Variants in NAA10 observed in about 807,000 individuals in gnomAD.
NAA10 encodes the protein N-alpha-acetyltransferase 10, NatA catalytic subunit, also known as N-alpha-acetyltransferase 10.
In NAA10, 6 loss-of-function variants were observed where a neutral mutation model predicts 19.2. The observed-to-expected ratio is 0.31, with a 90% CI of 0.17 to 0.62. NAA10 has a LOEUF of 0.62. Among genes scored for constraint, NAA10 ranks in the 20% least tolerant of loss-of-function variants. The pLI, the probability that NAA10 is intolerant of heterozygous loss-of-function variation, is 0.83. For missense variants in NAA10, 101 were observed against 198.4 expected (o/e 0.51, Z 2.95); for synonymous variants, 97 against 79.9 (o/e 1.21, Z -1.14).
At chrX:153,933,745 A>AT in intron 3 of NAA10, 198 bp downstream of exon 3, 2 of 417,566 alleles carry the variant, frequency 4.8e-6, no homozygotes, top group Non-Finnish European at 8.3e-6. Flanking sequence ...GACCACACAA[A>AT]TCCAACATGC....
chrX:153,934,025 GAA>G, intron 2 of NAA10, 24 bp from the exon 3 acceptor site: 2 of 1,193,113 alleles, frequency 1.7e-6, no homozygotes, highest in Non-Finnish European at 2.3e-6. Context: ...AACAGAGTGA[GAA>G]AACTTCTTGT....
chrX:153,934,023 G>T (rs1377987192), intron 2 of NAA10, 22 bp from the exon 3 acceptor site: 1 of 1,194,402 alleles, frequency 8.4e-7, no homozygotes, highest in Non-Finnish European at 1.1e-6. Flanking sequence ...AAAACAGAGT[G>T]AGAAAACTTC....
chrX:153,930,703 G>C, intron 7 of NAA10, 60 bp downstream of exon 7: 1 of 1,153,319 alleles, frequency 8.7e-7, no homozygotes, highest in Non-Finnish European at 1.2e-6. Context: ...TGCAGCCACT[G>C]TCTTGGGGCT....
chrX:153,930,166 C>G lies in NAA10; in HGVS notation c.529G>C (p.Glu177Gln), dbSNP rs1557107145. ...KGRHVVLGAI[E>Q]NKVESKGNSP... ...TTGCCTTTGCTCTCCACCTTGTTCT[C>G]GATGGCACCCAGCACCACGTGCCTG... Residue 177 changes from glutamate (E) to glutamine (Q), a missense_variant, in exon 8 of 8, where the codon GAG becomes CAG. Glu to Gln is a conservative substitution (Grantham distance 29). Transcript: ENST00000464845. 1 of 1,211,526 alleles carries G rather than the reference C, an allele frequency of 8.3e-7. No individual in the cohort carries two copies. The highest frequency in any genetic ancestry group is 1.1e-6 in the Non-Finnish European group (1 of 895,494).
In NAA10 at chrX:153,935,006, T is replaced by C. The variant is rs2065190014; in HGVS notation, c.-102A>G. 12 of 772,903 alleles carry C rather than the reference T, an allele frequency of 1.6e-5. No homozygotes were observed. The highest frequency in any genetic ancestry group is 1.9e-5 in the Non-Finnish European group (12 of 622,293). The allele number at this position is 772,903 out of a possible 1,213,427, so 63.7% of individuals were successfully genotyped here. A position where few individuals can be genotyped will look rare whatever the true frequency, so the allele number is the denominator to read the frequency against. On this transcript the variant is annotated 5_prime_UTR_variant, in exon 1 of 8. Transcript: ENST00000464845. ...GGACGGCCGGGGCTGGGACCGGAGC[T>C]GGGCTCGCTGGGCGACGGCGGAAGG...
At chrX:153,934,770 A>C (rs1342482564) in intron 1 of NAA10, 114 bp downstream of exon 1, 5 of 840,080 alleles carry the variant, frequency 6.0e-6, no homozygotes, top group Non-Finnish European at 4.7e-6. Context: ...CAGCGGCCGC[A>C]GGCACACTCA....
Position 153,932,057 on chromosome X carries a change from C to T in NAA10, c.386+14G>A, listed in dbSNP as rs1357324889. On this transcript the variant is annotated intron_variant, in intron 6 of 7. Transcript: ENST00000464845. ...ATCAACCCCAGCCCATTAGAAAAAT[C>T]GAGATCTACTTACTGAAAGTTGAGG... The T allele has an allele frequency of 2.5e-6, 3 of 1,210,349 alleles. No homozygotes were observed. Among genetic ancestry groups the T allele is most frequent in the African/African-American group, 1.7e-5 (1 of 57,230 alleles).
chrX:153,929,803 C>A lies in NAA10; in HGVS notation c.*184G>T, dbSNP rs1023283838. The A allele has an allele frequency of 4.4e-6, 2 of 455,658 alleles. No homozygotes were observed. The highest frequency in any genetic ancestry group is 2.4e-5 in the African/African-American group (1 of 41,710). The allele number at this position is 455,658 out of a possible 1,213,427, so 37.6% of individuals were successfully genotyped here. ...AGACTAGGGAGTCCCACCTCCAAAG[C>A]TCTTTCCTTGTACTCGGGCCTGGCA... On this transcript the variant is annotated 3_prime_UTR_variant, in exon 8 of 8. Coordinates refer to ENST00000464845, the MANE Select transcript of NAA10 (RefSeq NM_003491.4).
rs184300392 is a variant in NAA10, at chrX:153,931,003, C to T, written c.387-156G>A. On this transcript the variant is annotated intron_variant, in intron 6 of 7. Transcript: ENST00000464845. ...AGTCCAGTGTGACCTGCCCTCTGTT[C>T]TCTCCAGCAAAGGCTCCAGGACACA... 4.4e-3 allele frequency: 5,165 copies of T among 1,178,260 alleles called. 15 individuals are homozygous for T. The highest frequency in any genetic ancestry group is 4.9e-3 in the Non-Finnish European group (4,310 of 883,943).
rs3747308 is a variant in NAA10, at chrX:153,934,567, G to C, written c.22-92C>G. 0.24 allele frequency: 174,145 copies of C among 738,018 alleles called. 21,215 individuals are homozygous for C. The highest frequency in any genetic ancestry group is 0.67 in the East Asian group (19,300 of 28,655). 60.8% of individuals were successfully genotyped at this position (738,018 alleles called of 1,213,427 possible). A position where few individuals can be genotyped will look rare whatever the true frequency, so the allele number is the denominator to read the frequency against. ...GCTCCCCGTCGGTCTGCTCGGCCCCGCTCCCTCGGGGCTGGGCAGGCACTG... is the reference window on the plus strand; with the variant it reads ...GCTCCCCGTCGGTCTGCTCGGCCCCCCTCCCTCGGGGCTGGGCAGGCACTG... On this transcript the variant is annotated intron_variant, in intron 1 of 7. Coordinates refer to ENST00000464845, the MANE Select transcript of NAA10 (RefSeq NM_003491.4).
Position 153,934,527 on chromosome X carries a change from A to C in NAA10, c.22-52T>G. 4.1e-6 allele frequency: 4 copies of C among 969,728 alleles called. No homozygotes were observed. In the South Asian group the frequency reaches 8.2e-5, roughly 20 times the overall value. 79.9% of individuals were successfully genotyped at this position (969,728 alleles called of 1,213,427 possible). ...CGCTCAGTCTAAGGCGGCGGTGACCACGGGTGAGAAGCCTGCTCCCCGTCG... is the reference window on the plus strand; with the variant it reads ...CGCTCAGTCTAAGGCGGCGGTGACCCCGGGTGAGAAGCCTGCTCCCCGTCG... On this transcript the variant is annotated intron_variant, in intron 1 of 7. Transcript: ENST00000464845.
At chrX:153,934,299 G>A in intron 2 of NAA10, 78 bp downstream of exon 2, 1 of 885,399 alleles carries the variant, frequency 1.1e-6, no homozygotes, top group Non-Finnish European at 1.6e-6. Flanking sequence ...TGACAGACTT[G>A]TCCACTCCCT....
chrX:153,932,308 G>A lies in NAA10; in HGVS notation c.341+8C>T. 2 of 1,199,564 alleles carry A rather than the reference G, an allele frequency of 1.7e-6. No individual in the cohort carries two copies. The highest frequency in any genetic ancestry group is 2.3e-6 in the Non-Finnish European group (2 of 886,042). On this transcript the variant is annotated splice_region_variant and intron_variant, in intron 5 of 7. Coordinates refer to ENST00000464845, the MANE Select transcript of NAA10 (RefSeq NM_003491.4). Reference sequence around the variant, plus strand: ...CCTCAATCCCCCTTCCCTCAGCCCGGCTTCCACCTCTTCCTGACATGCAGG... The same window carrying A: ...CCTCAATCCCCCTTCCCTCAGCCCGACTTCCACCTCTTCCTGACATGCAGG...
chrX:153,930,087 T>C lies in NAA10; in HGVS notation c.608A>G (p.Glu203Gly). 8.3e-7 allele frequency: 1 copy of C among 1,210,663 alleles called. No homozygotes were observed. The highest frequency in any genetic ancestry group is 1.1e-6 in the Non-Finnish European group (1 of 895,135). The change falls in exon 8 of 8, where the codon GAG becomes GGG. Residue 203 changes from glutamate to glycine, a missense_variant. Glu to Gly is a moderately conservative substitution (Grantham distance 98). Transcript: ENST00000464845. ...GTCCTTGCTGTCCCCACCACTATCC[T>C]CGGCAGCCAGGCCCTTCTCCTCGCG... ...ACREEKGLAA[E>G]DSGGDSKDLS...
intron 6 of NAA10, 142 bp from the exon 7 acceptor site, chrX:153,930,989 A>T: frequency 1.7e-6 from 2 of 1,189,042 alleles, no homozygotes; most frequent in South Asian, 3.6e-5. Flanking sequence ...GTCCAGTGTG[A>T]CCTGCCCTCT....
intron 5 of NAA10, 26 bp downstream of exon 5, chrX:153,932,290 C>G (rs1557107512): frequency 8.5e-7 from 1 of 1,181,075 alleles, no homozygotes; most frequent in South Asian, 1.8e-5. Context: ...CCCCCTCAAT[C>G]CCCCTTCCCT....
chrX:153,931,209 G>A (rs1445021982), intron 6 of NAA10: 16 of 934,223 alleles, frequency 1.7e-5, no homozygotes, highest in Non-Finnish European at 2.0e-5. Context: ...GAAAGACGGT[G>A]AGCCCTGCCT....
rs377577428 is a variant in NAA10, at chrX:153,930,769, G to A, written c.465C>T (p.Ala155=). The change falls in exon 7 of 8, where the codon GCC becomes GCT. Residue 155 remains alanine, a synonymous_variant. Coordinates refer to ENST00000464845, the MANE Select transcript of NAA10 (RefSeq NM_003491.4). ...YAMKRDLTQM[A]DELRRHLELK... Reference sequence around the variant, plus strand: ...GCTTCATGCAGGCGCTTACCTCGTCGGCCATCTGAGTGAGGTCCCGCTTCA... The same window carrying A: ...GCTTCATGCAGGCGCTTACCTCGTCAGCCATCTGAGTGAGGTCCCGCTTCA... 17 of 1,210,029 alleles carry A rather than the reference G, an allele frequency of 1.4e-5. No homozygotes were observed. The highest frequency in any genetic ancestry group is 8.7e-5 in the African/African-American group (5 of 57,274).
At position 153,932,219 on chromosome X, in the gene NAA10, A is replaced by G. The variant is rs1345832571; in HGVS notation, c.341+97T>C. 3 of 1,093,167 alleles carry G rather than the reference A, an allele frequency of 2.7e-6. No homozygotes were observed. In the South Asian group the frequency reaches 5.8e-5, roughly 21 times the overall value. The allele number at this position is 1,093,167 out of a possible 1,213,427, so 90.1% of individuals were successfully genotyped here. On this transcript the variant is annotated intron_variant, in intron 5 of 7. Coordinates refer to ENST00000464845, the MANE Select transcript of NAA10 (RefSeq NM_003491.4). Reference sequence around the variant, plus strand: ...CTGGTCCCTCCTTCCCCCCAATCCCACTTCCTGGATCTTCACCAAAAGCTG... The same window carrying G: ...CTGGTCCCTCCTTCCCCCCAATCCCGCTTCCTGGATCTTCACCAAAAGCTG...
Sources: gnomAD v4.1 joint callset for allele counts on GRCh38, gnomAD v4.1.1 for gene constraint, MANE v1.5 for transcripts, NCBI Gene and HGNC (gene_info 2026-07-23, HGNC 2026-07-21) for gene names.